COG5: variants seen among roughly 807,000 people sequenced by gnomAD.
COG5 encodes conserved oligomeric Golgi complex subunit 5.
Under a neutral mutation model 110.4 loss-of-function variants are expected in COG5, and 86 were observed. That is an observed-to-expected ratio of 0.78 (90% CI 0.65 to 0.93). The LOEUF is 0.93. COG5 is among the 40% of genes least tolerant of loss of function. COG5 has a pLI of 0.00. For synonymous variants in COG5, 360 were observed against 334.6 expected, an observed-to-expected ratio of 1.08 and a Z score of -0.83; for missense variants, 1,077 against 987.0, an observed-to-expected ratio of 1.09 and a Z score of -1.22.
chr7:107,521,508 G>T (rs751833756), intron 6 of COG5, among the ~76,000 whole-genome samples: 1 of 152,172 alleles, frequency 6.6e-6, no homozygotes, highest in Non-Finnish European at 1.5e-5. Context: ...CTCAAAAGAC[G>T]ACATTTATGC....
chr7:107,401,344 G>T (rs1462419359), intron 7 of COG5, among the ~76,000 whole-genome samples: 12 of 152,040 alleles, frequency 7.9e-5, no homozygotes, highest in Non-Finnish European at 1.5e-4. Flanking sequence ...TACATATTAT[G>T]TAACTATTAT....
At chr7:107,255,039 T>C (rs1358985901) in intron 16 of COG5, among the ~76,000 whole-genome samples, 1 of 152,200 alleles carries the variant, frequency 6.6e-6, no homozygotes, top group Non-Finnish European at 1.5e-5. Flanking sequence ...CAATTACATA[T>C]GTAGGTATAT....
At chr7:107,402,899 A>T (rs1267190929) in intron 7 of COG5, among the ~76,000 whole-genome samples, 1 of 152,260 alleles carries the variant, frequency 6.6e-6, no homozygotes, top group Non-Finnish European at 1.5e-5. Flanking sequence ...AGAAGTAATA[A>T]GACTTTTGTA....
chr7:107,229,449 A>G (rs1383134519), intron 19 of COG5, among the ~76,000 whole-genome samples: 2 of 152,204 alleles, frequency 1.3e-5, no homozygotes, highest in African/African-American at 4.8e-5. Flanking sequence ...CTCCATCTCA[A>G]AAAACAAAAT....
chr7:107,425,504 C>G (rs1236752696), intron 6 of COG5, among the ~76,000 whole-genome samples: 1 of 146,142 alleles, frequency 6.8e-6, no homozygotes, highest in African/African-American at 2.6e-5. Context: ...CTGAATTTTA[C>G]TAAAAAAAAA....
intron 7 of COG5, among the ~76,000 whole-genome samples, chr7:107,404,433 T>C (rs1406478787): frequency 6.6e-6 from 1 of 152,316 alleles, no homozygotes; most frequent in African/African-American, 2.4e-5. Flanking sequence ...ATAATAAACA[T>C]TATACATTTA....
chr7:107,457,420 GT>G (rs1563046322), intron 6 of COG5, among the ~76,000 whole-genome samples: 1 of 150,722 alleles, frequency 6.6e-6, no homozygotes, highest in Admixed American at 6.6e-5. Context: ...TAAAATATGA[GT>G]TTTTGTTTGT....
chr7:107,531,664 G>A (rs1801210677), intron 5 of COG5, among the ~76,000 whole-genome samples: 2 of 129,444 alleles, frequency 1.5e-5, no homozygotes, highest in African/African-American at 2.9e-5. Context: ...GTGTTCTGGG[G>A]TTTTGCTTTT....
rs1490883414 is a variant in COG5, at chr7:107,236,520, AT to A, written c.2020del (p.Ile674SerfsTer7). 1 of 1,614,084 alleles carries A rather than the reference AT, an allele frequency of 6.2e-7. No individual in the cohort carries two copies. The highest frequency in any genetic ancestry group is 8.5e-7 in the Non-Finnish European group (1 of 1,180,036). ...AIAQRAVELF[I>X]RHASLIRPLG... Reference sequence around the variant, plus strand: ...AGGTCTTATGAGACTGGCATGGCGGATAAAAAGTTCAACAGCTCTTTGGGCA... The same window carrying A: ...AGGTCTTATGAGACTGGCATGGCGGAAAAAAGTTCAACAGCTCTTTGGGCA... On this transcript the variant is annotated frameshift_variant, in exon 18 of 22. Transcript: ENST00000297135. LOFTEE classifies it high-confidence loss of function.
At chr7:107,527,201 T>C (rs1258445256) in intron 6 of COG5, 36 bp downstream of exon 6, 1 of 1,497,756 alleles carries the variant, frequency 6.7e-7, no homozygotes, top group Non-Finnish European at 9.0e-7. Context: ...TTTAAATCTC[T>C]ACTAACTTTT....
chr7:107,341,656 C>T (rs1193599920), intron 10 of COG5, among the ~76,000 whole-genome samples: 1 of 152,096 alleles, frequency 6.6e-6, no homozygotes, highest in African/African-American at 2.4e-5. Flanking sequence ...AGCAAAACAG[C>T]ATGGTACTGG....
At chr7:107,507,996 G>A (rs964372257) in intron 6 of COG5, among the ~76,000 whole-genome samples, 18 of 152,206 alleles carry the variant, frequency 1.2e-4, no homozygotes, top group East Asian at 9.6e-4. Context: ...CTGAGGTATC[G>A]CGTTCATCTC....
At chr7:107,377,865 C>T (rs552206512) in intron 7 of COG5, among the ~76,000 whole-genome samples, 3 of 152,262 alleles carry the variant, frequency 2.0e-5, no homozygotes, top group African/African-American at 4.8e-5. Flanking sequence ...TGGCTGTGGG[C>T]GCAACTACAG....
chr7:107,348,098 C>T (rs919809419), intron 10 of COG5, among the ~76,000 whole-genome samples: 7 of 135,922 alleles, frequency 5.2e-5, no homozygotes, highest in Admixed American at 5.0e-4. Flanking sequence ...TGAACTCCAG[C>T]CTGGGTGACA....
At chr7:107,420,396 C>A (rs1243058525) in intron 6 of COG5, among the ~76,000 whole-genome samples, 1 of 152,094 alleles carries the variant, frequency 6.6e-6, no homozygotes, top group Non-Finnish European at 1.5e-5. Flanking sequence ...AGAAGAAGCA[C>A]CCGGAAGAAC....
intron 6 of COG5, among the ~76,000 whole-genome samples, chr7:107,423,602 A>C (rs1241090404): frequency 1.3e-5 from 2 of 152,076 alleles, no homozygotes; most frequent in African/African-American, 4.8e-5. Context: ...AGATATACAC[A>C]AAAGTCTTCA....
At chr7:107,527,405 T>C in intron 5 of COG5, 48 bp from the exon 6 acceptor site, 1 of 1,601,144 alleles carries the variant, frequency 6.2e-7, no homozygotes, top group Non-Finnish European at 8.5e-7. Flanking sequence ...GAAGTTTTAT[T>C]ACTATTAATA....
Position 107,563,886 on chromosome 7 carries a change from C to G in COG5, c.11G>C (p.Gly4Ala). MEG[G>A]GGSVAVAGLG... ...GCCAGCTACAGCGACGCTGCCGCCG[C>G]CACCTTCCATGTTGGCAGGTGCCGG... Residue 4 changes from glycine to alanine, a missense_variant, in exon 1 of 22, where the codon GGC becomes GCC. Gly to Ala is a moderately conservative substitution (Grantham distance 60). Transcript: ENST00000297135. 6.2e-7 allele frequency: 1 copy of G among 1,613,794 alleles called. No individual in the cohort carries two copies. Among genetic ancestry groups the G allele is most frequent in the Non-Finnish European group, 8.5e-7 (1 of 1,179,962 alleles).
intron 3 of COG5, among the ~76,000 whole-genome samples, chr7:107,553,780 AG>A (rs1486225517): frequency 6.6e-6 from 1 of 152,198 alleles, no homozygotes; most frequent in African/African-American, 2.4e-5. Flanking sequence ...GGCAAAAATA[AG>A]AAAAAAAATT....
Sources: allele counts gnomAD v4.1 joint callset (sites outside exome capture counted in the v4.1 genomes callset), GRCh38; gene constraint gnomAD v4.1.1; transcripts MANE v1.5; gene names NCBI Gene and HGNC (gene_info 2026-07-23, HGNC 2026-07-21).